BPHL: variants seen among roughly 807,000 people sequenced by gnomAD.
The protein encoded by BPHL is biphenyl hydrolase like, also known as serine hydrolase BPHL.
A neutral mutation model predicts 31.2 loss-of-function variants in BPHL; 27 were observed. The observed-to-expected ratio is 0.87, with a 90% CI of 0.64 to 1.19. The LOEUF (loss-of-function observed/expected upper bound fraction) is 1.19, where lower values mean the gene tolerates loss of function less well. Ranked by LOEUF, BPHL falls within the 50% of genes most tolerant of loss-of-function variation. The pLI is 0.00. For missense variants in BPHL, 356 were observed against 375.7 expected, an observed-to-expected ratio of 0.95 and a Z score of 0.43; for synonymous variants, 150 against 146.8, an observed-to-expected ratio of 1.02 and a Z score of -0.16.
chr6:3,152,424 G>C, intron 6 of BPHL, 64 bp from the exon 7 acceptor site: 1 of 1,351,426 alleles, frequency 7.4e-7, no homozygotes, highest in Admixed American at 1.8e-5. Flanking sequence ...ATGTTGGGGA[G>C]AGTGAGGGGT....
At chr6:3,130,249 C>A (rs546971716) in intron 4 of BPHL, among the ~76,000 whole-genome samples, 1 of 152,336 alleles carries the variant, frequency 6.6e-6, no homozygotes, top group African/African-American at 2.4e-5. Flanking sequence ...TGGGGTGTCC[C>A]TTTACCACCC....
chr6:3,119,255 G>T (rs1254149371), intron 1 of BPHL: 5 of 1,526,072 alleles, frequency 3.3e-6, no homozygotes, highest in Non-Finnish European at 3.5e-6. Flanking sequence ...AGGGCATAAG[G>T]ACAATAATCT....
intron 4 of BPHL, among the ~76,000 whole-genome samples, chr6:3,133,148 C>A (rs1452900639): frequency 6.6e-6 from 1 of 152,190 alleles, no homozygotes; most frequent in Admixed American, 6.5e-5. Context: ...TCTCAGCCTG[C>A]TTGTCAAGTG....
chr6:3,148,059 A>C (rs1388381881), intron 6 of BPHL, among the ~76,000 whole-genome samples: 1 of 152,224 alleles, frequency 6.6e-6, no homozygotes, highest in Non-Finnish European at 1.5e-5. Flanking sequence ...AAACACCCTC[A>C]TGAACACACT....
At chr6:3,146,021 T>G (rs1306821465) in intron 6 of BPHL, among the ~76,000 whole-genome samples, 6 of 17,082 alleles carry the variant, frequency 3.5e-4, no homozygotes, top group Non-Finnish European at 7.0e-4. Flanking sequence ...CTGGTTCGGG[T>G]CCGAGTGCTG....
rs188933773 is a variant in BPHL at position 3,144,013 on chromosome 6, G to A, written c.788+3504G>A. 2.2e-3 allele frequency among the ~76,000 whole-genome samples: 341 copies of A among 152,334 alleles called. 2 individuals carry two copies. Among genetic ancestry groups the A allele is most frequent in the African/African-American group, 8.0e-3 (333 of 41,578 alleles). ...GCGAGGCTTCCTCGCCTCTGCATGC[G>A]CCTCCAGTTGCTCGCTCACCTATCT... On this transcript the variant is annotated intron_variant, in intron 6 of 6. Coordinates refer to ENST00000380379, the MANE Select transcript of BPHL (RefSeq NM_004332.4).
chr6:3,142,349 C>T (rs930826854), intron 6 of BPHL, among the ~76,000 whole-genome samples: 2 of 152,066 alleles, frequency 1.3e-5, no homozygotes, highest in Non-Finnish European at 2.9e-5. Flanking sequence ...GATCTCTTGA[C>T]CTTGTGATCC....
At chr6:3,138,009 T>C (rs1335097438) in intron 5 of BPHL, 1 of 1,280,200 alleles carries the variant, frequency 7.8e-7, no homozygotes, top group African/African-American at 1.5e-5. Context: ...CCATGAACAA[T>C]GCACAAATGT....
intron 6 of BPHL, among the ~76,000 whole-genome samples, chr6:3,142,827 C>T (rs571780404): frequency 5.9e-4 from 89 of 152,036 alleles, no homozygotes; most frequent in African/African-American, 2.1e-3. Context: ...TGTTATGTGC[C>T]CTTAAAGAGC....
intron 2 of BPHL, among the ~76,000 whole-genome samples, chr6:3,125,874 C>T (rs1165567388): frequency 6.6e-6 from 1 of 152,212 alleles, no homozygotes; most frequent in Non-Finnish European, 1.5e-5. Context: ...TATGGTTTGT[C>T]AGGCAAAGTG....
In BPHL at chr6:3,129,286, A is replaced by G. The variant is rs1047448748; in HGVS notation, c.532+88A>G. 4.9e-6 allele frequency: 7 copies of G among 1,416,484 alleles called. No individual in the cohort carries two copies. In the Admixed American group the frequency reaches 1.2e-4, roughly 25 times the overall value. 87.7% of individuals were successfully genotyped at this position (1,416,484 alleles called of 1,614,324 possible). A position where few individuals can be genotyped will look rare whatever the true frequency, so the allele number is the denominator to read the frequency against. ...TCTTATTGTGGGATATGTTGACAAG[A>G]CACATCTCTCGTGCTTCTAGTTCTC... On this transcript the variant is annotated intron_variant, in intron 4 of 6. Coordinates refer to ENST00000380379, the MANE Select transcript of BPHL (RefSeq NM_004332.4).
intron 6 of BPHL, among the ~76,000 whole-genome samples, chr6:3,146,890 C>G (rs1022121171): frequency 1.3e-5 from 2 of 149,754 alleles, no homozygotes; most frequent in African/African-American, 4.9e-5. Flanking sequence ...TGGGCGAGTG[C>G]TGGTTCGGGT....
At position 3,152,760 on chromosome 6, in the gene BPHL, C is replaced by T. The variant is rs1581494904; in HGVS notation, c.*185C>T. The T allele has an allele frequency of 3.8e-6, 2 of 529,640 alleles. No individual in the cohort carries two copies. Among genetic ancestry groups the T allele is most frequent in the East Asian group, 6.7e-5 (2 of 29,654 alleles). The allele number at this position is 529,640 out of a possible 1,614,324, so 32.8% of individuals were successfully genotyped here. A position where few individuals can be genotyped will look rare whatever the true frequency, so the allele number is the denominator to read the frequency against. On this transcript the variant is annotated 3_prime_UTR_variant, in exon 7 of 7. Coordinates refer to ENST00000380379, the MANE Select transcript of BPHL (RefSeq NM_004332.4). ...TCTAGCTTCAGGCTGGGCACGGTGG[C>T]TCACAGCTATAATCTCAGCACTTTG...
At chr6:3,133,679 C>T (rs542335471) in intron 4 of BPHL, among the ~76,000 whole-genome samples, 3 of 152,290 alleles carry the variant, frequency 2.0e-5, no homozygotes, top group Admixed American at 6.5e-5. Flanking sequence ...GACTTCTCTT[C>T]TCCCAGAATG....
At chr6:3,144,256 A>G (rs908932784) in intron 6 of BPHL, among the ~76,000 whole-genome samples, 2 of 151,452 alleles carry the variant, frequency 1.3e-5, no homozygotes, top group Non-Finnish European at 2.9e-5. Context: ...TTTAGTGGAG[A>G]CGGGGTTTCA....
chr6:3,145,898 C>CA (rs1561800530), intron 6 of BPHL, among the ~76,000 whole-genome samples: 1 of 36,676 alleles, frequency 2.7e-5, no homozygotes, highest in Non-Finnish European at 5.7e-5. Context: ...TGGTTTGGGT[C>CA]GAGTGCTGGT....
chr6:3,140,351 A>G lies in BPHL; in HGVS notation c.665-35A>G. 1 of 1,613,494 alleles carries G rather than the reference A, an allele frequency of 6.2e-7. No individual in the cohort carries two copies. Among genetic ancestry groups the G allele is most frequent in the Non-Finnish European group, 8.5e-7 (1 of 1,179,772 alleles). On this transcript the variant is annotated intron_variant, in intron 5 of 6. Transcript: ENST00000380379. The surrounding 1 kb of genome is among the most constrained non-coding windows in gnomAD (Gnocchi z 5.2). ...TCCTCTGACCGCGTAGAATGGTTGC[A>G]CTAAAGCAGATTCCTCGTGCTGTGT...
chr6:3,118,693 C>T (rs187045372), upstream of BPHL: 901 of 1,224,406 alleles, frequency 7.4e-4, 8 homozygotes, highest in African/African-American at 0.013. Context: ...GGGTACCGCG[C>T]TTGGTCTTAG....
chr6:3,129,442 T>G (rs911258137), intron 4 of BPHL, among the ~76,000 whole-genome samples: 3 of 152,222 alleles, frequency 2.0e-5, no homozygotes, highest in African/African-American at 7.2e-5. Flanking sequence ...AATCACTATT[T>G]CTATTTACTA....
Sources: allele counts gnomAD v4.1 joint callset (sites outside exome capture counted in the v4.1 genomes callset), GRCh38; gene constraint gnomAD v4.1.1; non-coding constraint Gnocchi (gnomAD v3.1); transcripts MANE v1.5; gene names NCBI Gene and HGNC (gene_info 2026-07-23, HGNC 2026-07-21).